CYRIB: variants seen among roughly 807,000 people sequenced by gnomAD.
CYRIB encodes CYFIP related Rac1 interactor B.
CYRIB carries 8 observed loss-of-function variants against 44.2 expected under a neutral mutation model. The ratio of observed to expected loss-of-function variants is 0.18; its 90% CI spans 0.11 to 0.33. The LOEUF (loss-of-function observed/expected upper bound fraction) is 0.33, where lower values mean the gene tolerates loss of function less well. Ranked by LOEUF, CYRIB falls within the 10% of genes least tolerant of loss-of-function variation. CYRIB has a pLI of 1.00. For synonymous variants in CYRIB, 131 were observed against 127.2 expected (o/e 1.03, Z -0.20); for missense variants, 185 against 382.8 (o/e 0.48, Z 4.31).
At chr8:129,910,900 C>G (rs1194725544) in intron 1 of CYRIB, among the ~76,000 whole-genome samples, 1 of 152,204 alleles carries the variant, frequency 6.6e-6, no homozygotes, top group Non-Finnish European at 1.5e-5. Context: ...TCAAGGTGTT[C>G]TCCCTCCTTG....
At chr8:129,846,561 GCCAAAATCTT>G (rs1314989302) in intron 11 of CYRIB, among the ~76,000 whole-genome samples, 1 of 152,122 alleles carries the variant, frequency 6.6e-6, no homozygotes, top group Admixed American at 6.5e-5. Context: ...ACAAGTAAAA[GCCAAAATCTT>G]CAACCAGAAA....
intron 1 of CYRIB, among the ~76,000 whole-genome samples, chr8:129,921,031 G>A (rs1463865393): frequency 1.3e-5 from 2 of 152,160 alleles, no homozygotes; most frequent in Non-Finnish European, 2.9e-5. Flanking sequence ...GTTGATCTAT[G>A]CTAAATGATG....
chr8:130,007,975 G>A (rs948485434), intron 1 of CYRIB, among the ~76,000 whole-genome samples: 2 of 152,182 alleles, frequency 1.3e-5, no homozygotes, highest in African/African-American at 2.4e-5. Flanking sequence ...TTAGGAGGCC[G>A]AGGCGGCCAG....
At chr8:129,951,042 C>T (rs544981266) in intron 2 of CYRIB, among the ~76,000 whole-genome samples, 2 of 152,298 alleles carry the variant, frequency 1.3e-5, no homozygotes, top group Admixed American at 6.5e-5. Context: ...GGGTGGCTCA[C>T]GCCTATAATC....
At chr8:129,893,977 G>C (rs2066667492) in intron 2 of CYRIB, among the ~76,000 whole-genome samples, 1 of 151,840 alleles carries the variant, frequency 6.6e-6, no homozygotes, top group Admixed American at 6.6e-5. Flanking sequence ...TTGAAAACTG[G>C]ATTTTCTCAC....
At chr8:129,855,963 A>C (rs1391836602) in intron 5 of CYRIB, among the ~76,000 whole-genome samples, 1 of 152,224 alleles carries the variant, frequency 6.6e-6, no homozygotes. Context: ...AAAAACCTTA[A>C]ACGGACTAAT....
chr8:129,860,536 T>C (rs1485419340), intron 5 of CYRIB, among the ~76,000 whole-genome samples: 1 of 152,202 alleles, frequency 6.6e-6, no homozygotes, highest in African/African-American at 2.4e-5. Context: ...AAGAAAAAGA[T>C]AATTTATACA....
chr8:129,889,000 G>A (rs1439492539), intron 2 of CYRIB, among the ~76,000 whole-genome samples: 1 of 152,144 alleles, frequency 6.6e-6, no homozygotes, highest in Non-Finnish European at 1.5e-5. Context: ...GGCTGAGGCA[G>A]GAGAACTGCT....
intron 1 of CYRIB, among the ~76,000 whole-genome samples, chr8:129,907,051 A>G (rs1451427182): frequency 6.6e-6 from 1 of 152,238 alleles, no homozygotes; most frequent in Admixed American, 6.5e-5. Context: ...GCGATTCCTC[A>G]GGGATCTAGA....
exon 9 of CYRIB, chr8:129,850,855 G>A: frequency 1.2e-6 from 2 of 1,612,572 alleles, no homozygotes; most frequent in Non-Finnish European, 8.5e-7. Flanking sequence ...GCATGACTCT[G>A]CATACACTAG....
Position 129,846,877 on chromosome 8 carries a change from A to G in CYRIB, c.841-3T>C. ...AGAACTTTGATACAACCTTTCATCT[A>G]AAGAAAAAGAAAACAGAAAAGGTAA... On this transcript the variant is annotated splice_region_variant and splice_polypyrimidine_tract_variant and intron_variant, in intron 10 of 11. Transcript: ENST00000519824. 1.3e-6 allele frequency: 2 copies of G among 1,568,880 alleles called. No homozygotes were observed. The highest frequency in any genetic ancestry group is 1.7e-6 in the Non-Finnish European group (2 of 1,164,916).
At chr8:129,964,462 T>C (rs1041241100) in intron 2 of CYRIB, among the ~76,000 whole-genome samples, 2 of 152,140 alleles carry the variant, frequency 1.3e-5, no homozygotes, top group Admixed American at 6.6e-5. Flanking sequence ...CTCAGATAAC[T>C]CAGATTTCTA....
chr8:129,999,177 G>T (rs374110849), intron 1 of CYRIB, among the ~76,000 whole-genome samples: 3 of 152,188 alleles, frequency 2.0e-5, no homozygotes, highest in Non-Finnish European at 4.4e-5. Context: ...CAGAGTAGAA[G>T]AGACCCCAGC....
At chr8:129,898,016 G>A (rs1161188294) in intron 2 of CYRIB, among the ~76,000 whole-genome samples, 7 of 151,884 alleles carry the variant, frequency 4.6e-5, no homozygotes, top group Non-Finnish European at 8.8e-5. Flanking sequence ...CACCCGCCTC[G>A]GCCTCTCAAG....
intron 4 of CYRIB, among the ~76,000 whole-genome samples, chr8:129,869,879 T>C (rs182285017): frequency 3.3e-5 from 5 of 151,482 alleles, no homozygotes; most frequent in African/African-American, 9.7e-5. Context: ...AATAGTAATG[T>C]TTTACCTCCC....
intron 1 of CYRIB, among the ~76,000 whole-genome samples, chr8:129,975,350 A>C (rs1443033733): frequency 6.6e-6 from 1 of 152,174 alleles, no homozygotes; most frequent in Non-Finnish European, 1.5e-5. Context: ...TCTACCCATA[A>C]TCCCTCCACC....
At chr8:129,913,057 C>T (rs534496943) in intron 1 of CYRIB, among the ~76,000 whole-genome samples, 41 of 151,594 alleles carry the variant, frequency 2.7e-4, no homozygotes, top group Non-Finnish European at 1.6e-4. Flanking sequence ...CTGCAAGCTC[C>T]GCCTCCTGGG....
chr8:129,996,160 G>T (rs967743392), intron 1 of CYRIB, among the ~76,000 whole-genome samples: 5 of 152,158 alleles, frequency 3.3e-5, no homozygotes, highest in African/African-American at 9.7e-5. Context: ...ACTTTGCTTA[G>T]AGCTAAGAAC....
At chr8:129,842,482 C>T (rs1328758349) in intron 11 of CYRIB, among the ~76,000 whole-genome samples, 1 of 152,206 alleles carries the variant, frequency 6.6e-6, no homozygotes, top group East Asian at 1.9e-4. Context: ...TTAGCTGTAA[C>T]TTCTCCCTCA....
Sources: gnomAD v4.1 joint callset for allele counts (sites outside exome capture counted in the v4.1 genomes callset) on GRCh38, gnomAD v4.1.1 for gene constraint, MANE v1.5 for transcripts, NCBI Gene and HGNC (gene_info 2026-07-23, HGNC 2026-07-21) for gene names.